The following FBXO25 variants were observed in gnomAD, a reference collection of about 807,000 sequenced individuals.
FBXO25 encodes the protein F-box protein 25.
A neutral mutation model predicts 51.9 loss-of-function variants in FBXO25; 45 were observed. The ratio of observed to expected loss-of-function variants is 0.87; its 90% CI spans 0.68 to 1.11. The LOEUF (loss-of-function observed/expected upper bound fraction) is 1.11. Among genes scored for constraint, FBXO25 ranks in the 50% most tolerant of loss-of-function variants. FBXO25 has a pLI of 0.00. For synonymous variants in FBXO25, 199 were observed against 151.0 expected, an observed-to-expected ratio of 1.32 and a Z score of -2.33; for missense variants, 507 against 428.5, an observed-to-expected ratio of 1.18 and a Z score of -1.62.
intron 1 of FBXO25, among the ~76,000 whole-genome samples, chr8:409,243 T>G (rs571681121): frequency 3.7e-4 from 57 of 152,336 alleles, no homozygotes; most frequent in Non-Finnish European, 6.0e-4. Context: ...CTGTATAGAT[T>G]ATGCTTTAAG....
intron 7 of FBXO25, among the ~76,000 whole-genome samples, chr8:451,762 G>A (rs1799115466): frequency 6.6e-6 from 1 of 152,098 alleles, no homozygotes; most frequent in Admixed American, 6.5e-5. Context: ...GTAAATTAAG[G>A]CTAAATTGTG....
chr8:441,277 A>G (rs1438893563), intron 5 of FBXO25, among the ~76,000 whole-genome samples: 1 of 152,244 alleles, frequency 6.6e-6, no homozygotes, highest in East Asian at 1.9e-4. Context: ...AGGATTCCCT[A>G]TTTAATAAAT....
chr8:407,346 C>T (rs1386852679), intron 1 of FBXO25: 6 of 966,170 alleles, frequency 6.2e-6, no homozygotes, highest in African/African-American at 1.9e-5. Flanking sequence ...GGGATTGCCG[C>T]GTGCGCGTCT....
chr8:455,227 T>G (rs1224814019), intron 7 of FBXO25, among the ~76,000 whole-genome samples: 2 of 152,254 alleles, frequency 1.3e-5, no homozygotes, highest in African/African-American at 2.4e-5. Context: ...GAGCCTTTGC[T>G]GCTCTCTGCC....
chr8:407,421 T>C, intron 1 of FBXO25: 1 of 981,748 alleles, frequency 1.0e-6, no homozygotes, highest in Non-Finnish European at 1.2e-6. Flanking sequence ...TCAGGTGGGG[T>C]CTGGGGGCGG....
chr8:413,182 G>C lies in FBXO25; in HGVS notation c.103G>C (p.Glu35Gln). 3 of 1,608,462 alleles carry C rather than the reference G, an allele frequency of 1.9e-6. No homozygotes were observed. The highest frequency in any genetic ancestry group is 2.5e-6 in the Non-Finnish European group (3 of 1,178,040). Residue 35 changes from glutamate (E) to glutamine (Q), a missense_variant, in exon 2 of 10, where the codon GAG becomes CAG. Glu to Gln is a conservative substitution (Grantham distance 29, BLOSUM62 2). Transcript: ENST00000350302. ...ATCTTGTAGTCAGAAACTTGAAAGA[G>C]AGAATAACCGTTGTAACATCAGTCA... is the stretch of plus-strand genomic sequence containing the variant. ...CESCSQKLER[E>Q]NNRCNISHSI...
Position 462,457 on chromosome 8 carries a change from A to G in FBXO25, c.844-550A>G, listed in dbSNP as rs1289299503. On this transcript the variant is annotated intron_variant, in intron 8 of 9. Coordinates refer to ENST00000350302, the MANE Select transcript of FBXO25 (RefSeq NM_183420.2). Reference sequence around the variant, plus strand: ...TATGGACATTATTCTGGATTGGAGTATTTAAGTCTGTTTAACAGCTGCTTG... The same window carrying G: ...TATGGACATTATTCTGGATTGGAGTGTTTAAGTCTGTTTAACAGCTGCTTG... Among the ~76,000 whole-genome samples, 4 of 152,328 alleles carry G rather than the reference A, an allele frequency of 2.6e-5. No individual in the cohort carries two copies. In the East Asian group the frequency reaches 7.7e-4, roughly 29 times the overall value.
chr8:419,134 C>T (rs566348279), intron 2 of FBXO25, among the ~76,000 whole-genome samples: 110 of 151,690 alleles, frequency 7.3e-4, no homozygotes, highest in Middle Eastern at 3.4e-3. Context: ...CCAAGGCGGG[C>T]GGATCACCTG....
In FBXO25 at chr8:473,195, C is replaced by G. The variant is rs967300524; in HGVS notation, c.*4391C>G. The G allele has an allele frequency of 6.6e-6, 1 of 152,302 alleles. No individual in the cohort carries two copies. The highest frequency in any genetic ancestry group is 2.4e-5 in the African/African-American group (1 of 41,466). The allele number at this position is 152,302 out of a possible 1,614,324, so 9.4% of individuals were successfully genotyped here. ...GAGGCAGACCCTCAACTTTGGAAAG[C>G]AGTGTCCCCCCGCGTCCCATGGGCT... On this transcript the variant is annotated 3_prime_UTR_variant, in exon 10 of 10. Transcript: ENST00000350302.
At chr8:451,104 AGAATTTCCCTCCTTTTTAGGGCT>A (rs1229134909) in intron 6 of FBXO25, 142 bp from the exon 7 acceptor site, 1 of 586,596 alleles carries the variant, frequency 1.7e-6, no homozygotes, top group Non-Finnish European at 2.9e-6. Flanking sequence ...AATATGTGTG[AGAATTTCCCTCCTTTTTAGGGCT>A]GAATAATATT....
rs1469974980 is a variant in FBXO25, at chr8:470,115, A to T, written c.*1311A>T. On this transcript the variant is annotated 3_prime_UTR_variant, in exon 10 of 10. Transcript: ENST00000350302. ...TTAGAAACGTAGAACCATATCCTAA[A>T]TGTTATTTGGAAACTTGGCTTTTAT... The T allele has an allele frequency of 6.6e-6, 1 of 152,084 alleles. No individual in the cohort carries two copies. Among genetic ancestry groups the T allele is most frequent in the Non-Finnish European group, 1.5e-5 (1 of 68,040 alleles). The allele number at this position is 152,084 out of a possible 1,614,324, so 9.4% of individuals were successfully genotyped here.
chr8:469,995 GCCTCTGCGAATATATGTTA>G lies in FBXO25; in HGVS notation c.*1192_*1210del, dbSNP rs531310302. 1.3e-5 allele frequency: 2 copies of G among 152,252 alleles called. No homozygotes were observed. The highest frequency in any genetic ancestry group is 1.3e-4 in the Admixed American group (2 of 15,278). 9.4% of individuals were successfully genotyped at this position (152,252 alleles called of 1,614,324 possible). ...TCCTGAGGCGATGCAAATACCTGGG[GCCTCTGCGAATATATGTTA>G]GTTTTTCATAAGACCATAAATGTCC... On this transcript the variant is annotated 3_prime_UTR_variant, in exon 10 of 10. Transcript: ENST00000350302.
At chr8:417,254 G>A (rs184796012) in intron 2 of FBXO25, among the ~76,000 whole-genome samples, 122 of 152,334 alleles carry the variant, frequency 8.0e-4, no homozygotes, top group African/African-American at 2.8e-3. Context: ...TTGAGTAGAA[G>A]AGTGATTTGT....
chr8:474,618 C>A lies in FBXO25; in HGVS notation c.*5814C>A, dbSNP rs546913759. 9 of 408,462 alleles carry A rather than the reference C, an allele frequency of 2.2e-5. No individual in the cohort carries two copies. The highest frequency in any genetic ancestry group is 7.1e-5 in the East Asian group (1 of 14,178). The allele number at this position is 408,462 out of a possible 1,614,324, so 25.3% of individuals were successfully genotyped here. On this transcript the variant is annotated 3_prime_UTR_variant, in exon 10 of 10. Transcript: ENST00000350302. Reference sequence around the variant, plus strand: ...CTGCTGAGATTTTGATTTGCATTTCCGTAATGACTGGTGATGCTGAGTATC... The same window carrying A: ...CTGCTGAGATTTTGATTTGCATTTCAGTAATGACTGGTGATGCTGAGTATC...
chr8:412,473 A>AC (rs1055081453), intron 1 of FBXO25, among the ~76,000 whole-genome samples: 16 of 152,246 alleles, frequency 1.1e-4, no homozygotes, highest in African/African-American at 3.4e-4. Context: ...GGTGACCCTC[A>AC]CCCCATACCT....
chr8:421,237 A>G (rs1275718940), intron 2 of FBXO25, among the ~76,000 whole-genome samples: 1 of 152,222 alleles, frequency 6.6e-6, no homozygotes, highest in African/African-American at 2.4e-5. Context: ...ATGCCTGATG[A>G]TCTGAGGTGG....
chr8:445,738 G>T lies in FBXO25; in HGVS notation c.382-4252G>T, dbSNP rs558988163. Among the ~76,000 whole-genome samples the T allele has an allele frequency of 1.6e-4, 25 of 152,284 alleles. No individual in the cohort carries two copies. The East Asian group carries it at 4.4e-3, about 27-fold the overall frequency. On this transcript the variant is annotated intron_variant, in intron 5 of 9. Transcript: ENST00000350302. ...ATACAGAAAACTACCGGGCATGGTG[G>T]CATGCACCTATAATGCCAGCTACTG...
At chr8:437,446 T>G (rs1393250517) in intron 5 of FBXO25, among the ~76,000 whole-genome samples, 1 of 152,246 alleles carries the variant, frequency 6.6e-6, no homozygotes, top group African/African-American at 2.4e-5. Flanking sequence ...AGCAGGGCCT[T>G]GCTTGGCTCA....
chr8:413,577 C>A (rs920385644), intron 2 of FBXO25, among the ~76,000 whole-genome samples: 3 of 152,056 alleles, frequency 2.0e-5, no homozygotes, highest in African/African-American at 7.2e-5. Context: ...AGTTTTTCTC[C>A]CTTGAAAGCC....
Sources: gnomAD v4.1 joint callset for allele counts (sites outside exome capture counted in the v4.1 genomes callset) on GRCh38, gnomAD v4.1.1 for gene constraint, MANE v1.5 for transcripts, NCBI Gene and HGNC (gene_info 2026-07-23, HGNC 2026-07-21) for gene names.